NINL: variants seen among roughly 807,000 people sequenced by gnomAD.
The protein encoded by NINL is ninein-like protein.
A neutral mutation model predicts 160.3 loss-of-function variants in NINL; 153 were observed. The ratio of observed to expected loss-of-function variants is 0.95; its 90% confidence interval spans 0.84 to 1.09. NINL has a LOEUF of 1.09. NINL is among the 50% of genes least tolerant of loss of function. The probability of loss-of-function intolerance (pLI) is 0.00; values close to 1 mark genes in which losing one functional copy is unlikely to be tolerated. For synonymous variants in NINL, 800 were observed against 734.8 expected (o/e 1.09, Z -1.43); for missense variants, 1,829 against 1,764.0 (o/e 1.04, Z -0.66).
intron 16 of NINL, 135 bp from the exon 17 acceptor site, chr20:25,477,224 C>T: frequency 1.2e-6 from 1 of 831,002 alleles, no homozygotes; most frequent in Non-Finnish European, 1.8e-6. Context: ...CCTCGCCTCC[C>T]TCAGCCCTGG....
intron 16 of NINL, among the ~76,000 whole-genome samples, chr20:25,477,582 G>A (rs77370524): frequency 6.6e-6 from 1 of 152,268 alleles, no homozygotes; most frequent in African/African-American, 2.4e-5. Flanking sequence ...TGGAAGTGAA[G>A]TGAGAGCTGG....
intron 14 of NINL, chr20:25,481,735 G>A: frequency 1.7e-6 from 1 of 592,334 alleles, no homozygotes; most frequent in African/African-American, 1.9e-5. Context: ...CAGCCCTGGG[G>A]CTGCCCACCT....
intron 1 of NINL, among the ~76,000 whole-genome samples, chr20:25,552,877 C>G (rs1049891444): frequency 1.3e-5 from 2 of 152,258 alleles, no homozygotes; most frequent in African/African-American, 4.8e-5. Context: ...AGTAAACACA[C>G]CGGGTTACTC....
chr20:25,512,011 A>C (rs2064078628), intron 4 of NINL, among the ~76,000 whole-genome samples: 1 of 152,196 alleles, frequency 6.6e-6, no homozygotes, highest in Admixed American at 6.5e-5. Flanking sequence ...TGATTAACTT[A>C]CAAGCTGTGG....
chr20:25,473,667 TACACACATACACACACAC>T (rs1422503114), intron 17 of NINL, among the ~76,000 whole-genome samples: 12 of 85,756 alleles, frequency 1.4e-4, no homozygotes, highest in Admixed American at 5.0e-4. Context: ...GTAGTAAAAA[TACACACATACACACACAC>T]ACACACACAC....
chr20:25,488,818 A>G (rs999637688), intron 13 of NINL, among the ~76,000 whole-genome samples: 4 of 152,118 alleles, frequency 2.6e-5, no homozygotes, highest in Admixed American at 6.6e-5. Context: ...ACCATGGTAA[A>G]TATTAAATTT....
At chr20:25,583,648 C>T (rs1237424930) in intron 1 of NINL, among the ~76,000 whole-genome samples, 6 of 152,316 alleles carry the variant, frequency 3.9e-5, no homozygotes, top group Admixed American at 3.9e-4. Flanking sequence ...GACTATAAAT[C>T]ATTCTACTAT....
chr20:25,477,786 T>C (rs1258673306), intron 16 of NINL, among the ~76,000 whole-genome samples: 1 of 152,146 alleles, frequency 6.6e-6, no homozygotes, highest in East Asian at 1.9e-4. Flanking sequence ...GCCTGGATGC[T>C]GAGAGGAGAG....
chr20:25,536,151 C>T (rs985864794), intron 1 of NINL, among the ~76,000 whole-genome samples: 3 of 152,164 alleles, frequency 2.0e-5, no homozygotes, highest in African/African-American at 7.2e-5. Context: ...TGACTTTCCA[C>T]CTACCCAAGA....
intron 1 of NINL, among the ~76,000 whole-genome samples, chr20:25,566,632 A>G (rs2065001994): frequency 6.6e-6 from 1 of 152,214 alleles, no homozygotes; most frequent in Non-Finnish European, 1.5e-5. Flanking sequence ...GCTAGAGATC[A>G]AAAACATTGT....
chr20:25,472,322 AG>A (rs1399684923), intron 17 of NINL, among the ~76,000 whole-genome samples: 28 of 78,406 alleles, frequency 3.6e-4, no homozygotes, highest in African/African-American at 1.3e-3. Flanking sequence ...GTGGGAGGAG[AG>A]GATATATATA....
chr20:25,524,946 T>TAA (rs1383978712), intron 2 of NINL, among the ~76,000 whole-genome samples: 167 of 149,186 alleles, frequency 1.1e-3, no homozygotes, highest in African/African-American at 3.8e-3. Flanking sequence ...TATATATATA[T>TAA]AAATAAATAA....
chr20:25,491,996 A>C (rs532400873), intron 10 of NINL, among the ~76,000 whole-genome samples: 8 of 152,348 alleles, frequency 5.3e-5, no homozygotes, highest in African/African-American at 1.9e-4. Context: ...CAGCTGCTAC[A>C]TTCATCTTTT....
chr20:25,476,387 G>C lies in NINL; in HGVS notation c.2904C>G (p.Cys968Trp), dbSNP rs148788361. 2.5e-6 allele frequency: 4 copies of C among 1,607,954 alleles called. No individual in the cohort carries two copies. The highest frequency in any genetic ancestry group is 1.7e-4 in the Middle Eastern group (1 of 6,034). ...CCTGTAGCCTCTCAGCCTGTCCCCT[G>C]CACGAAGCGGCCGGCCTCAGGGGTG... ...WEPPLRPAASCRGQAERLQAI... is the reference protein window; with the variant it reads ...WEPPLRPAASWRGQAERLQAI... Residue 968 changes from cysteine (C) to tryptophan (W), a missense_variant, in exon 17 of 24, where the codon TGC (cysteine) becomes TGG (tryptophan). Cys to Trp is a radical substitution (Grantham distance 215). Transcript: ENST00000278886.
intron 13 of NINL, among the ~76,000 whole-genome samples, chr20:25,482,461 C>G (rs2063411394): frequency 6.6e-6 from 1 of 152,192 alleles, no homozygotes; most frequent in Non-Finnish European, 1.5e-5. Context: ...GCCTCTGCCT[C>G]CCAAGTAGCT....
At chr20:25,464,105 C>A (rs561831212) in intron 19 of NINL, among the ~76,000 whole-genome samples, 7 of 152,266 alleles carry the variant, frequency 4.6e-5, no homozygotes, top group African/African-American at 1.7e-4. Context: ...TTCTTCTATT[C>A]ACCTTTAACA....
At chr20:25,526,223 A>G (rs1029869813) in intron 2 of NINL, among the ~76,000 whole-genome samples, 185 bp downstream of exon 2, 1 of 152,210 alleles carries the variant, frequency 6.6e-6, no homozygotes, top group Non-Finnish European at 1.5e-5. Context: ...AAAAACAAGT[A>G]ATCTTAAGAA....
At chr20:25,512,116 A>T (rs1170061542) in intron 4 of NINL, among the ~76,000 whole-genome samples, 4 of 152,164 alleles carry the variant, frequency 2.6e-5, no homozygotes, top group Non-Finnish European at 4.4e-5. Context: ...TGATCCCTGC[A>T]TCCCAGGCAC....
At chr20:25,575,250 C>T (rs2065101027) in intron 1 of NINL, among the ~76,000 whole-genome samples, 1 of 150,846 alleles carries the variant, frequency 6.6e-6, no homozygotes, top group Non-Finnish European at 1.5e-5. Context: ...AGATCGAGAC[C>T]ATCCTGGCTA....
Sources: gnomAD v4.1 joint callset for allele counts (sites outside exome capture counted in the v4.1 genomes callset) on GRCh38, gnomAD v4.1.1 for gene constraint, MANE v1.5 for transcripts, NCBI Gene and HGNC (gene_info 2026-07-23, HGNC 2026-07-21) for gene names.